The following BCAR1 variants were observed in gnomAD, a reference collection of about 807,000 sequenced individuals.
The protein encoded by BCAR1 is BCAR1 scaffold protein, Cas family member, also known as breast cancer anti-estrogen resistance protein 1.
Under a neutral mutation model 67.6 loss-of-function variants are expected in BCAR1, and 30 were observed. That is an observed-to-expected ratio of 0.44 (90% CI 0.33 to 0.60). The LOEUF is 0.60. Ranked by LOEUF, BCAR1 falls within the 20% of genes least tolerant of loss-of-function variation. The probability of loss-of-function intolerance (pLI) is 0.02; values close to 1 mark genes in which losing one functional copy is unlikely to be tolerated. For synonymous variants in BCAR1, 626 were observed against 556.7 expected (o/e 1.12, Z -1.75); for missense variants, 1,313 against 1,222.3 (o/e 1.07, Z -1.11).
chr16:75,231,241 C>A (rs1285537036), intron 6 of BCAR1, among the ~76,000 whole-genome samples: 1 of 151,962 alleles, frequency 6.6e-6, no homozygotes. Context: ...TGCGCCACCA[C>A]CCCTGGCTAA....
At chr16:75,236,376 CCAT>C (rs762135476) in intron 4 of BCAR1, 131 of 331,122 alleles carry the variant, frequency 4.0e-4, no homozygotes, top group African/African-American at 1.4e-3. Context: ...ACTGCCACCA[CCAT>C]CATATCATGA....
chr16:75,248,841 G>A (rs2077597556), intron 1 of BCAR1: 1 of 152,548 alleles, frequency 6.6e-6, no homozygotes, highest in South Asian at 2.1e-4. Context: ...GCAGCAGGAG[G>A]GAATAAAAAG....
intron 2 of BCAR1, among the ~76,000 whole-genome samples, chr16:75,240,569 C>T (rs2077305271): frequency 6.6e-6 from 1 of 152,228 alleles, no homozygotes; most frequent in African/African-American, 2.4e-5. Flanking sequence ...AGATACTAGA[C>T]AAAATATGCC....
chr16:75,237,465 G>A, intron 2 of BCAR1, 121 bp from the exon 3 acceptor site: 1 of 1,230,534 alleles, frequency 8.1e-7, no homozygotes, highest in Non-Finnish European at 1.1e-6. Context: ...GAAGGGACGG[G>A]GCTCCCCAAG....
At chr16:75,234,160 G>GACACAC (rs1296996116) in intron 5 of BCAR1, among the ~76,000 whole-genome samples, 4,192 of 87,766 alleles carry the variant, frequency 0.048, 148 homozygotes, top group East Asian at 0.11. Flanking sequence ...GGGGCAGGCA[G>GACACAC]ACAGACACAC....
upstream of BCAR1, among the ~76,000 whole-genome samples, chr16:75,254,449 G>A (rs545796113): frequency 1.3e-5 from 2 of 152,334 alleles, no homozygotes; most frequent in East Asian, 1.9e-4. Flanking sequence ...GACTGGGTGG[G>A]ACCTCAGAGG....
chr16:75,264,282 C>G, intron 1 of BCAR1: 1 of 1,393,874 alleles, frequency 7.2e-7, no homozygotes, highest in Non-Finnish European at 9.3e-7. Flanking sequence ...GGGGACCTCC[C>G]CATAGAGGCC....
chr16:75,263,441 G>C (rs558086579), intron 1 of BCAR1: 3 of 985,202 alleles, frequency 3.0e-6, no homozygotes, highest in Non-Finnish European at 3.6e-6. Context: ...CAGCACACGA[G>C]CACTGCACTG....
At position 75,242,257 on chromosome 16, in the gene BCAR1, C is replaced by G. The variant is rs1206469464; in HGVS notation, c.633+213G>C. Among the ~76,000 whole-genome samples the G allele has an allele frequency of 2.6e-5, 4 of 152,330 alleles. No individual in the cohort carries two copies. In the East Asian group the frequency reaches 7.7e-4, roughly 29 times the overall value. Reference sequence around the variant, plus strand: ...CCACTCGGGTCGGCTTGGCTGAGGCCAGCGGAGCATCTCCCCTCTGGGTCC... The same window carrying G: ...CCACTCGGGTCGGCTTGGCTGAGGCGAGCGGAGCATCTCCCCTCTGGGTCC... On this transcript the variant is annotated intron_variant, in intron 2 of 6. Transcript: ENST00000162330.
chr16:75,252,478 C>T, upstream of BCAR1: 1 of 1,360,068 alleles, frequency 7.4e-7, no homozygotes, highest in Non-Finnish European at 9.7e-7. Flanking sequence ...CTGAGTTGCC[C>T]CTTGCTCGGT....
intron 5 of BCAR1, among the ~76,000 whole-genome samples, chr16:75,234,190 C>T (rs1457009278): frequency 6.8e-6 from 1 of 147,024 alleles, no homozygotes; most frequent in Non-Finnish European, 1.5e-5. Context: ...CACACACACA[C>T]ACACACACAC....
intron 1 of BCAR1, among the ~76,000 whole-genome samples, chr16:75,263,080 G>T (rs1302995719): frequency 6.6e-6 from 1 of 152,218 alleles, no homozygotes; most frequent in African/African-American, 2.4e-5. Flanking sequence ...GGCCTGTGAG[G>T]TCCTGAGCCC....
intron 1 of BCAR1, chr16:75,248,078 C>T: frequency 6.3e-7 from 1 of 1,588,662 alleles, no homozygotes. Flanking sequence ...ACAGGAAAAC[C>T]AAGGCTCAGA....
chr16:75,236,221 C>G, intron 4 of BCAR1: 1 of 584,914 alleles, frequency 1.7e-6, no homozygotes, highest in Non-Finnish European at 2.9e-6. Context: ...CTATCCATGA[C>G]AGCTCTGGGA....
rs866235606 is a variant in BCAR1 at position 75,263,516 on chromosome 16, T to C, written c.66+4399A>G. 4.2e-5 allele frequency: 41 copies of C among 985,482 alleles called. No homozygotes were observed. In the Middle Eastern group the frequency reaches 2.1e-3, roughly 50 times the overall value. The allele number at this position is 985,482 out of a possible 1,614,324, so 61.0% of individuals were successfully genotyped here. On this transcript the variant is annotated intron_variant, in intron 1 of 6. Transcript: ENST00000393422. The stretch of plus-strand genomic sequence containing the variant: ...GCAGGGACGCCCTGGCTCCTTCCCC[T>C]CTCTGGGTCCGGGACTGCATGTGAG...
chr16:75,264,713 G>A, intron 1 of BCAR1: 1 of 1,178,274 alleles, frequency 8.5e-7, no homozygotes, highest in Admixed American at 4.1e-5. Context: ...CTCACTCTGG[G>A]ATAGTTAATG....
intron 1 of BCAR1, chr16:75,265,187 G>GC (rs938712964): frequency 2.0e-5 from 3 of 152,530 alleles, no homozygotes; most frequent in African/African-American, 7.2e-5. Flanking sequence ...CGGGGGTTCC[G>GC]CAGCGAGAGG....
At chr16:75,260,282 G>C (rs2077875105) in intron 1 of BCAR1, among the ~76,000 whole-genome samples, 1 of 152,148 alleles carries the variant, frequency 6.6e-6, no homozygotes, top group Admixed American at 6.6e-5. Flanking sequence ...CTTAAGCCAG[G>C]GTGATAGAGA....
At chr16:75,239,635 A>T (rs1296230400) in intron 2 of BCAR1, among the ~76,000 whole-genome samples, 1 of 152,080 alleles carries the variant, frequency 6.6e-6, no homozygotes, top group Non-Finnish European at 1.5e-5. Flanking sequence ...CCAGGTCCCA[A>T]TCCAGGAGCC....
Sources: allele counts gnomAD v4.1 joint callset (sites outside exome capture counted in the v4.1 genomes callset), GRCh38; gene constraint gnomAD v4.1.1; transcripts MANE v1.5; gene names NCBI Gene and HGNC (gene_info 2026-07-23, HGNC 2026-07-21).